The following SERPINB12 variants were observed in gnomAD, a reference collection of about 807,000 sequenced individuals.
SERPINB12 encodes the protein serpin B12.
Under a neutral mutation model 41.1 loss-of-function variants are expected in SERPINB12, and 57 were observed. That is an observed-to-expected ratio of 1.39 (90% CI 1.12 to 1.73). SERPINB12 has a LOEUF of 1.73. Ranked by LOEUF, SERPINB12 falls within the 40% of genes most tolerant of loss-of-function variation. SERPINB12 has a pLI of 0.00. For synonymous variants in SERPINB12, 180 were observed against 181.3 expected, an observed-to-expected ratio of 0.99 and a Z score of 0.06; for missense variants, 536 against 501.9, an observed-to-expected ratio of 1.07 and a Z score of -0.65.
At chr18:63,563,851 A>G in intron 5 of SERPINB12, 127 bp from the exon 6 acceptor site, 2 of 807,562 alleles carry the variant, frequency 2.5e-6, no homozygotes, top group Non-Finnish European at 3.8e-6. Context: ...AGCAGGGATC[A>G]CGCCATTGCA....
chr18:63,559,874 A>G (rs911891602), intron 4 of SERPINB12, among the ~76,000 whole-genome samples, 156 bp downstream of exon 4: 6 of 152,128 alleles, frequency 3.9e-5, no homozygotes, highest in African/African-American at 1.4e-4. Flanking sequence ...TCCCTCTTTC[A>G]GTCCCACAGT....
In SERPINB12 at chr18:63,556,229, C is replaced by T. The variant is rs948500841; in HGVS notation, c.70C>T (p.Arg24Cys). ...DLFQEIGKDD[R>C]HKNIFFSPLS... is the part of the protein sequence containing the mutation. Reference sequence around the variant, plus strand: ...TTTTCAAGAGATAGGCAAAGATGATCGTCATAAAAACATATTTTTCTCTCC... The same window carrying T: ...TTTTCAAGAGATAGGCAAAGATGATTGTCATAAAAACATATTTTTCTCTCC... The change falls in exon 2 of 8, where the codon CGT becomes TGT. Residue 24 changes from arginine to cysteine, a missense_variant. Transcript: ENST00000382768. 9.9e-6 allele frequency: 16 copies of T among 1,613,748 alleles called. No individual in the cohort carries two copies. The highest frequency in any genetic ancestry group is 2.7e-5 in the African/African-American group (2 of 74,868).
rs558165837 is a variant in SERPINB12 at position 63,568,619 on chromosome 18, C to G, written c.*1608C>G. Among the ~76,000 whole-genome samples, 3 of 152,152 alleles carry G rather than the reference C, an allele frequency of 2.0e-5. No individual in the cohort carries two copies. Among genetic ancestry groups the G allele is most frequent in the African/African-American group, 4.8e-5 (2 of 41,422 alleles). On this transcript the variant is annotated 3_prime_UTR_variant, in exon 8 of 8. Coordinates refer to ENST00000382768, the MANE Select transcript of SERPINB12 (RefSeq NM_001307928.2). Reference sequence around the variant, plus strand: ...CAACTCACATCTCTTTGGAGTCAGTCTCTTTCCTATCGAGGTGGGTTTCAG... The same window carrying G: ...CAACTCACATCTCTTTGGAGTCAGTGTCTTTCCTATCGAGGTGGGTTTCAG...
rs182684948 is a variant in SERPINB12 at position 63,555,401 on chromosome 18, T to C, written c.-18-741T>C. ...TGGAGAAGAATGAGATGGGATGATG[T>C]TTGCTTGGCTGCTAACTTGATAATA... On this transcript the variant is annotated intron_variant, in intron 1 of 7. Transcript: ENST00000382768. 1.5e-3 allele frequency among the ~76,000 whole-genome samples: 234 copies of C among 152,252 alleles called. 1 individual carries two copies. The highest frequency in any genetic ancestry group is 5.2e-3 in the African/African-American group (214 of 41,548).
At chr18:63,533,563 A>G in the SERPINB12 span, among the ~76,000 whole-genome samples, 1 of 152,200 alleles carries the variant, frequency 6.6e-6, no homozygotes, top group African/African-American at 2.4e-5. Flanking sequence ...GCATAGTTTT[A>G]ATCCTTTTGA....
the SERPINB12 span, among the ~76,000 whole-genome samples, chr18:63,524,808 G>A: frequency 2.0e-5 from 3 of 148,076 alleles, no homozygotes; most frequent in Admixed American, 6.8e-5. Flanking sequence ...GGAGTGCAGC[G>A]GCATGATCTT....
Position 63,565,553 on chromosome 18 carries a change from CT to C in SERPINB12, c.815del (p.Leu272ProfsTer15). The part of the protein sequence containing the change: ...ILEMRYTKGK[L>X]SMFVLLPSHS... ...GGAAATGAGGTACACCAAGGGGAAGCTCAGCATGTTCGTGCTGCTGCCATCT... is the reference window on the plus strand; with the variant it reads ...GGAAATGAGGTACACCAAGGGGAAGCCAGCATGTTCGTGCTGCTGCCATCT... On this transcript the variant is annotated frameshift_variant, in exon 7 of 8. Coordinates refer to ENST00000382768, the MANE Select transcript of SERPINB12 (RefSeq NM_001307928.2). LOFTEE classifies it high-confidence loss of function. 1 of 1,614,126 alleles carries C rather than the reference CT, an allele frequency of 6.2e-7. No homozygotes were observed. Among genetic ancestry groups the C allele is most frequent in the Non-Finnish European group, 8.5e-7 (1 of 1,179,990 alleles).
chr18:63,553,909 T>C (rs1910595398), intron 1 of SERPINB12, among the ~76,000 whole-genome samples: 1 of 152,140 alleles, frequency 6.6e-6, no homozygotes, highest in Admixed American at 6.5e-5. Context: ...TTGTGAGGCA[T>C]TATTGAATTT....
At chr18:63,543,304 G>T (rs1910313397) in intron 1 of SERPINB12, among the ~76,000 whole-genome samples, 1 of 152,150 alleles carries the variant, frequency 6.6e-6, no homozygotes, top group Non-Finnish European at 1.5e-5. Context: ...CTTTACTAAA[G>T]GCTCTAACCC....
At chr18:63,546,803 A>G (rs1204782739) in intron 1 of SERPINB12, among the ~76,000 whole-genome samples, 2 of 152,304 alleles carry the variant, frequency 1.3e-5, no homozygotes, top group East Asian at 1.9e-4. Flanking sequence ...CCTTTAATCT[A>G]TCAATGATGA....
chr18:63,557,224 G>A (rs1323421233), intron 2 of SERPINB12, among the ~76,000 whole-genome samples: 1 of 152,008 alleles, frequency 6.6e-6, no homozygotes, highest in Non-Finnish European at 1.5e-5. Context: ...TTTGCCTGAT[G>A]GCTCTTTCCC....
Position 63,558,413 on chromosome 18 carries a change from G to C in SERPINB12, c.230G>C (p.Ser77Thr). 1 of 1,613,506 alleles carries C rather than the reference G, an allele frequency of 6.2e-7. No homozygotes were observed. Among genetic ancestry groups the C allele is most frequent in the Non-Finnish European group, 8.5e-7 (1 of 1,179,776 alleles). The change falls in exon 3 of 8, where the codon AGC becomes ACC. Residue 77 changes from serine to threonine, a missense_variant. Transcript: ENST00000382768. ...AAAGAACCTGACCCTTGTCTGAAAA[G>C]CAACAAACAAAAAGTGCTGGCTGAC... Reference protein sequence around the residue: ...ESKEPDPCLKSNKQKVLADSS... With the variant: ...ESKEPDPCLKTNKQKVLADSS...
chr18:63,552,274 G>A (rs1397876784), intron 1 of SERPINB12, among the ~76,000 whole-genome samples: 1 of 152,074 alleles, frequency 6.6e-6, no homozygotes, highest in Non-Finnish European at 1.5e-5. Context: ...CAATTTCTAT[G>A]TTTATTCAAA....
chr18:63,561,014 G>A lies in SERPINB12; in HGVS notation c.445-71G>A, dbSNP rs188317470. 16 of 955,652 alleles carry A rather than the reference G, an allele frequency of 1.7e-5. No individual in the cohort carries two copies. In the East Asian group the frequency reaches 3.7e-4, roughly 22 times the overall value. 59.2% of individuals were successfully genotyped at this position (955,652 alleles called of 1,614,324 possible). A position where few individuals can be genotyped will look rare whatever the true frequency, so the allele number is the denominator to read the frequency against. ...CTTTCTTGGGAGACTTCTCAGGAGA[G>A]TCTCACTCCTAACTACGAGCATCAC... On this transcript the variant is annotated intron_variant, in intron 4 of 7. Coordinates refer to ENST00000382768, the MANE Select transcript of SERPINB12 (RefSeq NM_001307928.2).
At chr18:63,547,975 C>T (rs886499665) in intron 1 of SERPINB12, among the ~76,000 whole-genome samples, 2 of 152,166 alleles carry the variant, frequency 1.3e-5, no homozygotes, top group African/African-American at 4.8e-5. Context: ...CCATTGTGTT[C>T]TTCACGGATG....
the SERPINB12 span, among the ~76,000 whole-genome samples, chr18:63,534,550 C>T: frequency 6.6e-6 from 1 of 152,152 alleles, no homozygotes. Flanking sequence ...AGATTGTAGA[C>T]TTGATTTCTG....
chr18:63,541,146 C>T (rs568395559), upstream of SERPINB12, among the ~76,000 whole-genome samples: 29 of 152,186 alleles, frequency 1.9e-4, no homozygotes, highest in South Asian at 2.3e-3. Context: ...CTCAATTATA[C>T]GATTATTCTG....
upstream of SERPINB12, among the ~76,000 whole-genome samples, chr18:63,537,636 A>T (rs1479319659): frequency 5.9e-5 from 9 of 152,184 alleles, no homozygotes; most frequent in Non-Finnish European, 1.2e-4. Flanking sequence ...AAAACAAATC[A>T]GTAGAACTCT....
chr18:63,565,590 A>G lies in SERPINB12; in HGVS notation c.851A>G (p.Asp284Gly), dbSNP rs534108672. Residue 284 changes from aspartate to glycine, a missense_variant, in exon 7 of 8, where the codon GAT (aspartate) becomes GGT (glycine). Physicochemically the swap from Asp to Gly is moderately conservative, Grantham distance 94. Coordinates refer to ENST00000382768, the MANE Select transcript of SERPINB12 (RefSeq NM_001307928.2). The part of the protein sequence containing the change: ...MFVLLPSHSK[D>G]NLKGLEELER... ...GTGCTGCTGCCATCTCACTCTAAAG[A>G]TAACCTGAAGGGTCTGGAAGAGGTA... is the stretch of plus-strand genomic sequence containing the variant. 27 of 1,613,836 alleles carry G rather than the reference A, an allele frequency of 1.7e-5. 1 individual carries two copies. In the South Asian group the frequency reaches 2.9e-4, roughly 17 times the overall value.
Sources: gnomAD v4.1 joint callset for allele counts (sites outside exome capture counted in the v4.1 genomes callset) on GRCh38, gnomAD v4.1.1 for gene constraint, MANE v1.5 for transcripts, NCBI Gene and HGNC (gene_info 2026-07-23, HGNC 2026-07-21) for gene names.